The following DDX49 variants were observed in gnomAD, a reference collection of about 807,000 sequenced individuals.
The protein encoded by DDX49 is DEAD-box helicase 49, also known as probable ATP-dependent RNA helicase DDX49.
A neutral mutation model predicts 56.3 loss-of-function variants in DDX49; 50 were observed. The observed-to-expected ratio is 0.89, with a 90% CI of 0.71 to 1.12. The LOEUF is 1.12. Among genes scored for constraint, DDX49 ranks in the 50% most tolerant of loss-of-function variants. DDX49 has a pLI of 0.00. For missense variants in DDX49, 614 were observed against 650.5 expected, an observed-to-expected ratio of 0.94 and a Z score of 0.61; for synonymous variants, 269 against 270.6, an observed-to-expected ratio of 0.99 and a Z score of 0.06.
intron 2 of DDX49, among the ~76,000 whole-genome samples, chr19:18,921,415 G>A (rs75357755): frequency 6.6e-6 from 1 of 152,156 alleles, no homozygotes; most frequent in Non-Finnish European, 1.5e-5. Context: ...GAAGGCACAG[G>A]TTTGGGATAG....
rs1254237694 is a variant in DDX49 at position 18,928,145 on chromosome 19, C to T, written c.1281C>T (p.Ala427=). The T allele has an allele frequency of 1.2e-6, 2 of 1,604,184 alleles. No individual in the cohort carries two copies. Among genetic ancestry groups the T allele is most frequent in the Admixed American group, 3.5e-5 (2 of 57,720 alleles). The part of the protein sequence containing the change: ...ILEGKDPDLE[A]KRKAELAKIK... The stretch of plus-strand genomic sequence containing the variant: ...TGTGCCAGGACCCTGACCTGGAGGC[C>T]AAGCGCAAGGCTGAGCTGGCCAAGA... Residue 427 remains alanine, a synonymous_variant, in exon 13 of 13, where the codon GCC becomes GCT. Coordinates refer to ENST00000247003, the MANE Select transcript of DDX49 (RefSeq NM_019070.5).
chr19:18,925,009 G>A, intron 9 of DDX49, 30 bp downstream of exon 9: 2 of 1,601,818 alleles, frequency 1.2e-6, no homozygotes, highest in Non-Finnish European at 1.7e-6. Context: ...GCCGAGCCTT[G>A]GGCCTCTGTC....
intron 1 of DDX49, 113 bp downstream of exon 1, chr19:18,919,969 G>A: frequency 4.0e-6 from 3 of 748,896 alleles, no homozygotes; most frequent in South Asian, 2.1e-5. Context: ...AACCTCGGGC[G>A]TTACAGGAGA....
chr19:18,921,824 C>G lies in DDX49; in HGVS notation c.326-19C>G. ...TTGGACCACCTGCCCAGCCCTGCCT[C>G]TCATGCTCTGTCCCCCAGACATGGT... On this transcript the variant is annotated intron_variant, in intron 3 of 12. Coordinates refer to ENST00000247003, the MANE Select transcript of DDX49 (RefSeq NM_019070.5). 6.2e-7 allele frequency: 1 copy of G among 1,614,062 alleles called. No individual in the cohort carries two copies. Among genetic ancestry groups the G allele is most frequent in the Non-Finnish European group, 8.5e-7 (1 of 1,179,996 alleles).
chr19:18,921,728 G>T lies in DDX49; in HGVS notation c.305G>T (p.Cys102Phe), dbSNP rs1157228817. ...VLGKPLGLKD[C>F]IIVGGMDMVA... ...GGGAAGCCTCTAGGGCTGAAAGACT[G>T]CATCATCGTCGGTGGCATGGGTACG... The change falls in exon 3 of 13, where the codon TGC becomes TTC. Residue 102 changes from cysteine to phenylalanine, a missense_variant. Cys to Phe is a radical substitution (Grantham distance 205). Transcript: ENST00000247003. The T allele has an allele frequency of 5.0e-6, 8 of 1,614,138 alleles. No homozygotes were observed. The highest frequency in any genetic ancestry group is 6.8e-6 in the Non-Finnish European group (8 of 1,180,002).
chr19:18,922,086 A>G (rs143718495), intron 4 of DDX49, 122 bp downstream of exon 4: 936 of 1,358,608 alleles, frequency 6.9e-4, no homozygotes, highest in Non-Finnish European at 9.0e-4. Flanking sequence ...CTGTCCAGTA[A>G]AACGCTAGGA....
chr19:18,924,231 A>G lies in DDX49; in HGVS notation c.777-2A>G. The G allele has an allele frequency of 6.2e-7, 1 of 1,613,928 alleles. No homozygotes were observed. Among genetic ancestry groups the G allele is most frequent in the Non-Finnish European group, 8.5e-7 (1 of 1,180,002 alleles). ...GGTTGACAGGCACATCCTTCCCGCC[A>G]GGACCTGCCAGATTCTGTGCATGAT... On this transcript the variant is annotated splice_acceptor_variant, in intron 6 of 12. Transcript: ENST00000247003. LOFTEE classifies it high-confidence loss of function.
chr19:18,921,976 C>A lies in DDX49; in HGVS notation c.447+12C>A. ...AGATCCGCTTCCTGGTGAGTTCGCC[C>A]CGCCCCTGCAGACCTCAGGAGCTGG... On this transcript the variant is annotated intron_variant, in intron 4 of 12. Transcript: ENST00000247003. 6.2e-7 allele frequency: 1 copy of A among 1,600,710 alleles called. No individual in the cohort carries two copies. Among genetic ancestry groups the A allele is most frequent in the South Asian group, 1.1e-5 (1 of 90,182 alleles).
chr19:18,924,476 C>T (rs1222817699), intron 7 of DDX49, 147 bp from the exon 8 acceptor site: 31 of 1,062,322 alleles, frequency 2.9e-5, no homozygotes, highest in South Asian at 1.3e-4. Flanking sequence ...CTCTTTTAGC[C>T]GTCATTCATT....
intron 8 of DDX49, 84 bp downstream of exon 8, chr19:18,924,783 T>C: frequency 6.2e-7 from 1 of 1,612,964 alleles, no homozygotes. Flanking sequence ...CTCAGGCATG[T>C]CAGGCAGCCC....
rs1440415924 is a variant in DDX49 at position 18,919,828 on chromosome 19, G to A, written c.87G>A (p.Gln29=). ...GTTTGAAGCAGCCCACGCCCGTGCA[G>A]CTCGGCTGCATCCCCGCCATCCTGG... is the stretch of plus-strand genomic sequence containing the variant. ...QLGLKQPTPV[Q]LGCIPAILEG... is the part of the protein sequence containing the mutation. The change falls in exon 1 of 13, where the codon CAG becomes CAA. Residue 29 remains glutamine, a synonymous_variant. Coordinates refer to ENST00000247003, the MANE Select transcript of DDX49 (RefSeq NM_019070.5). The A allele has an allele frequency of 6.2e-7, 1 of 1,604,792 alleles. No homozygotes were observed.
intron 8 of DDX49, 53 bp from the exon 9 acceptor site, chr19:18,924,829 G>A: frequency 1.2e-6 from 2 of 1,612,010 alleles, no homozygotes; most frequent in Non-Finnish European, 1.7e-6. Flanking sequence ...GTGAGTCCTT[G>A]CCTCGGTTTC....
At chr19:18,921,505 C>T (rs2056916856) in intron 2 of DDX49, among the ~76,000 whole-genome samples, 158 bp from the exon 3 acceptor site, 1 of 152,112 alleles carries the variant, frequency 6.6e-6, no homozygotes, top group African/African-American at 2.4e-5. Context: ...GGGCAGGGGC[C>T]ACAATGGCCT....
chr19:18,922,561 G>A, intron 5 of DDX49, 43 bp from the exon 6 acceptor site: 1 of 1,599,962 alleles, frequency 6.3e-7, no homozygotes, highest in East Asian at 2.2e-5. Flanking sequence ...CCATCCTACA[G>A]ACAGGGACAC....
At chr19:18,921,401 G>C (rs1190303534) in intron 2 of DDX49, among the ~76,000 whole-genome samples, 2 of 152,194 alleles carry the variant, frequency 1.3e-5, no homozygotes, top group East Asian at 3.8e-4. Context: ...AAGGCGAACT[G>C]GGGGAAGGCA....
intron 11 of DDX49, 33 bp downstream of exon 11, chr19:18,927,887 C>T: frequency 1.2e-6 from 2 of 1,613,888 alleles, no homozygotes; most frequent in Non-Finnish European, 1.7e-6. Flanking sequence ...AACTAAAGTG[C>T]TCTCCAGGGC....
chr19:18,926,372 A>T lies in DDX49; in HGVS notation c.1097A>T (p.Gln366Leu). The change falls in exon 10 of 13, where the codon CAG becomes CTG. Residue 366 changes from glutamine to leucine, a missense_variant. Gln to Leu is a moderately radical substitution (Grantham distance 113). Coordinates refer to ENST00000247003, the MANE Select transcript of DDX49 (RefSeq NM_019070.5). ...DIHLVHAIEE[Q>L]IKKKLEEFSV... ...CACCTGGTGCACGCCATCGAGGAGC[A>T]GATCAGTGAGTGGGGTTGGGGTGGG... 7.8e-7 allele frequency: 1 copy of T among 1,286,508 alleles called. No homozygotes were observed. Among genetic ancestry groups the T allele is most frequent in the African/African-American group, 1.6e-5 (1 of 63,044 alleles). The allele number at this position is 1,286,508 out of a possible 1,614,324, so 79.7% of individuals were successfully genotyped here. A position where few individuals can be genotyped will look rare whatever the true frequency, so the allele number is the denominator to read the frequency against.
Position 18,926,297 on chromosome 19 carries a change from C to A in DDX49, c.1028-6C>A. On this transcript the variant is annotated splice_region_variant and splice_polypyrimidine_tract_variant and intron_variant, in intron 9 of 12. Coordinates refer to ENST00000247003, the MANE Select transcript of DDX49 (RefSeq NM_019070.5). ...CACATAGCAGATAACCGGCACATCC[C>A]CACAGGGCGGCAGGGTCAGGCCATC... 6.4e-7 allele frequency: 1 copy of A among 1,570,912 alleles called. No individual in the cohort carries two copies. The highest frequency in any genetic ancestry group is 2.3e-5 in the East Asian group (1 of 43,158).
rs1183701614 is a variant in DDX49, at chr19:18,926,308, C to A, written c.1033C>A (p.Gln345Lys). 4 of 1,572,362 alleles carry A rather than the reference C, an allele frequency of 2.5e-6. No homozygotes were observed. The highest frequency in any genetic ancestry group is 2.6e-6 in the Non-Finnish European group (3 of 1,158,982). Residue 345 changes from glutamine to lysine, a missense_variant, in exon 10 of 13, where the codon CAG becomes AAG. Transcript: ENST00000247003. ...RVGRTARAGR[Q>K]GQAITLVTQY... ...TAACCGGCACATCCCCACAGGGCGG[C>A]AGGGTCAGGCCATCACGCTGGTGAC...
Sources: allele counts gnomAD v4.1 joint callset (sites outside exome capture counted in the v4.1 genomes callset), GRCh38; gene constraint gnomAD v4.1.1; transcripts MANE v1.5; gene names NCBI Gene and HGNC (gene_info 2026-07-23, HGNC 2026-07-21).